UNC80: variants seen among roughly 807,000 people sequenced by gnomAD.
UNC80 encodes the protein unc-80 subunit of NALCN channel complex.
Under a neutral mutation model 384.6 loss-of-function variants are expected in UNC80, and 164 were observed. The observed-to-expected ratio is 0.43, with a 90% CI of 0.38 to 0.49. The LOEUF (loss-of-function observed/expected upper bound fraction) is 0.49, where lower values mean the gene tolerates loss of function less well. Among genes scored for constraint, UNC80 ranks in the 20% least tolerant of loss-of-function variants. The pLI is 0.00. For missense variants in UNC80, 3,330 were observed against 4,143.0 expected (o/e 0.80, Z 5.39); for synonymous variants, 1,486 against 1,527.8 (o/e 0.97, Z 0.64).
chr2:209,974,802 A>G (rs539998864), intron 56 of UNC80, among the ~76,000 whole-genome samples: 1 of 152,370 alleles, frequency 6.6e-6, no homozygotes, highest in African/African-American at 2.4e-5. Flanking sequence ...ATACACTGCT[A>G]TGTCTTAGGC....
intron 18 of UNC80, among the ~76,000 whole-genome samples, chr2:209,836,371 C>A (rs1345476641): frequency 6.6e-6 from 1 of 151,944 alleles, no homozygotes; most frequent in Non-Finnish European, 1.5e-5. Flanking sequence ...TCAAATAACA[C>A]CAGCAACTAT....
At chr2:209,945,493 A>C (rs1336212801) in intron 46 of UNC80, among the ~76,000 whole-genome samples, 2 of 152,196 alleles carry the variant, frequency 1.3e-5, no homozygotes, top group African/African-American at 2.4e-5. Flanking sequence ...ATTCTAAGTG[A>C]ATAACTCTCC....
chr2:209,775,743 C>G, intron 2 of UNC80, 146 bp from the exon 3 acceptor site: 1 of 675,800 alleles, frequency 1.5e-6, no homozygotes, highest in South Asian at 2.4e-5. Flanking sequence ...TGAGTTCTCC[C>G]TAAAGAATTT....
intron 58 of UNC80, 38 bp downstream of exon 58, chr2:209,977,116 A>C: frequency 6.9e-7 from 1 of 1,449,114 alleles, no homozygotes; most frequent in Non-Finnish European, 9.3e-7. Flanking sequence ...TTGTTTGACT[A>C]ATGGAACTCA....
intron 64 of UNC80, among the ~76,000 whole-genome samples, chr2:209,995,043 G>A (rs970377853): frequency 3.3e-5 from 5 of 152,100 alleles, no homozygotes; most frequent in African/African-American, 1.2e-4. Flanking sequence ...CATTTGTATA[G>A]TCTTTAATGG....
chr2:209,820,235 A>G, intron 12 of UNC80, 76 bp from the exon 13 acceptor site: 1 of 1,443,770 alleles, frequency 6.9e-7, no homozygotes, highest in Non-Finnish European at 9.1e-7. Flanking sequence ...AATGGGTTAA[A>G]CAGAATAATC....
intron 7 of UNC80, chr2:209,808,735 G>T: frequency 8.9e-6 from 2 of 224,396 alleles, no homozygotes; most frequent in South Asian, 5.6e-5. Flanking sequence ...TTGCTCCAAG[G>T]CTCGGCCTAG....
At chr2:209,989,594 A>T (rs2093354904) in intron 61 of UNC80, among the ~76,000 whole-genome samples, 1 of 152,220 alleles carries the variant, frequency 6.6e-6, no homozygotes, top group African/African-American at 2.4e-5. Flanking sequence ...TGTAGTACGT[A>T]GGGACTATGG....
intron 51 of UNC80, among the ~76,000 whole-genome samples, chr2:209,964,349 A>G (rs897830563): frequency 4.6e-5 from 7 of 152,204 alleles, no homozygotes; most frequent in African/African-American, 1.4e-4. Context: ...ACTCTTGCCA[A>G]AAATTCAAAA....
At chr2:209,928,844 C>T (rs375255629) in intron 36 of UNC80, among the ~76,000 whole-genome samples, 3 of 152,276 alleles carry the variant, frequency 2.0e-5, no homozygotes, top group Non-Finnish European at 2.9e-5. Flanking sequence ...CCTCCCCTTC[C>T]TAGCCTCTAG....
At chr2:209,969,458 A>G (rs2092821850) in intron 52 of UNC80, 1 of 323,574 alleles carries the variant, frequency 3.1e-6, no homozygotes, top group Admixed American at 4.7e-5. Flanking sequence ...TACCCCTGTG[A>G]TCAGTTTTCT....
chr2:209,840,415 C>A (rs1403268157), intron 19 of UNC80, 127 bp from the exon 20 acceptor site: 1 of 759,166 alleles, frequency 1.3e-6, no homozygotes, highest in Non-Finnish European at 2.2e-6. Context: ...ACATTGAAAA[C>A]AATTTGTTTT....
intron 40 of UNC80, 116 bp downstream of exon 40, chr2:209,935,924 C>A (rs1341014788): frequency 4.9e-6 from 3 of 612,934 alleles, no homozygotes; most frequent in Non-Finnish European, 8.5e-6. Context: ...GTATGCATTT[C>A]TTTACTCTTC....
chr2:209,891,701 A>G (rs1025384013), intron 26 of UNC80, among the ~76,000 whole-genome samples: 7 of 152,162 alleles, frequency 4.6e-5, no homozygotes, highest in Non-Finnish European at 8.8e-5. Flanking sequence ...TTAATAAACA[A>G]TGGAAAACTG....
intron 29 of UNC80, among the ~76,000 whole-genome samples, chr2:209,906,309 A>T (rs1036416180): frequency 2.0e-5 from 3 of 152,220 alleles, no homozygotes; most frequent in Admixed American, 1.3e-4. Context: ...ATTTTTAATA[A>T]TACAAAATAT....
intron 5 of UNC80, among the ~76,000 whole-genome samples, chr2:209,787,342 T>C (rs1443133063): frequency 1.3e-5 from 2 of 152,176 alleles, no homozygotes; most frequent in African/African-American, 4.8e-5. Context: ...CAGGATAGCT[T>C]TATGTAATAG....
At chr2:209,838,685 G>C (rs2081518599) in intron 18 of UNC80, among the ~76,000 whole-genome samples, 1 of 152,132 alleles carries the variant, frequency 6.6e-6, no homozygotes, top group Non-Finnish European at 1.5e-5. Context: ...ATATTGGCTG[G>C]GCACGGTGGC....
At chr2:209,905,128 G>A (rs2088027818) in intron 29 of UNC80, among the ~76,000 whole-genome samples, 163 bp downstream of exon 29, 1 of 152,128 alleles carries the variant, frequency 6.6e-6, no homozygotes, top group Non-Finnish European at 1.5e-5. Flanking sequence ...CAAATGTTTT[G>A]TCTTTCTTGT....
At chr2:209,912,293 G>A (rs997712160) in intron 29 of UNC80, among the ~76,000 whole-genome samples, 2 of 152,150 alleles carry the variant, frequency 1.3e-5, no homozygotes, top group Non-Finnish European at 2.9e-5. Context: ...ACTCAGTCAA[G>A]TTCCTCCACC....
Sources: gnomAD v4.1 joint callset for allele counts (sites outside exome capture counted in the v4.1 genomes callset) on GRCh38, gnomAD v4.1.1 for gene constraint, MANE v1.5 for transcripts, NCBI Gene and HGNC (gene_info 2026-07-23, HGNC 2026-07-21) for gene names.